The following SORCS3 variants were observed in gnomAD, a reference collection of about 807,000 sequenced individuals.
The protein encoded by SORCS3 is sortilin related VPS10 domain containing receptor 3.
In SORCS3, 57 loss-of-function variants were observed where a neutral mutation model predicts 146.3. The observed-to-expected ratio is 0.39, with a 90% CI of 0.31 to 0.49. The LOEUF (loss-of-function observed/expected upper bound fraction) is 0.49. Ranked by LOEUF, SORCS3 falls within the 20% of genes least tolerant of loss-of-function variation. The pLI is 0.92. For synonymous variants in SORCS3, 653 were observed against 618.5 expected, an observed-to-expected ratio of 1.06 and a Z score of -0.83; for missense variants, 1,341 against 1,575.5, an observed-to-expected ratio of 0.85 and a Z score of 2.52.
chr10:104,681,355 T>G (rs904731842), intron 1 of SORCS3, among the ~76,000 whole-genome samples: 2 of 151,914 alleles, frequency 1.3e-5, no homozygotes, highest in Non-Finnish European at 2.9e-5. Flanking sequence ...GCCTGCAGTG[T>G]GGGGGCTGCT....
intron 1 of SORCS3, among the ~76,000 whole-genome samples, chr10:104,723,657 G>A (rs1231669535): frequency 6.6e-6 from 1 of 152,210 alleles, no homozygotes; most frequent in Non-Finnish European, 1.5e-5. Context: ...ATGAATCTGG[G>A]TGCTCCTGTA....
chr10:104,995,184 G>T (rs1454600570), intron 4 of SORCS3, among the ~76,000 whole-genome samples: 2 of 141,208 alleles, frequency 1.4e-5, no homozygotes, highest in Admixed American at 7.3e-5. Flanking sequence ...TTTTGGGATG[G>T]AGTCTTGCTC....
intron 4 of SORCS3, among the ~76,000 whole-genome samples, chr10:105,030,456 G>T (rs1391485337): frequency 2.6e-5 from 4 of 152,172 alleles, no homozygotes; most frequent in African/African-American, 9.6e-5. Flanking sequence ...TGAGAGATTG[G>T]AAGTGTCCAA....
At chr10:104,980,645 C>T (rs533515108) in intron 4 of SORCS3, among the ~76,000 whole-genome samples, 3 of 152,220 alleles carry the variant, frequency 2.0e-5, no homozygotes, top group African/African-American at 4.8e-5. Flanking sequence ...AGGAGTGAAT[C>T]GATGTTTCCA....
At position 105,042,943 on chromosome 10, in the gene SORCS3, C is replaced by A. The variant is rs1564741103; in HGVS notation, c.955-112C>A. 14 of 805,046 alleles carry A rather than the reference C, an allele frequency of 1.7e-5. No individual in the cohort carries two copies. In the East Asian group the frequency reaches 3.2e-4, roughly 18 times the overall value. The allele number at this position is 805,046 out of a possible 1,614,324, so 49.9% of individuals were successfully genotyped here. ...CCTTTTTATCTGGATAAAATAAATG[C>A]CTACTTGGGTGTGTTGGGCACTCTG... On this transcript the variant is annotated intron_variant, in intron 4 of 26. Coordinates refer to ENST00000369701, the MANE Select transcript of SORCS3 (RefSeq NM_014978.3).
At chr10:104,838,480 AAGGTTAC>A (rs1178192972) in intron 1 of SORCS3, among the ~76,000 whole-genome samples, 1 of 151,984 alleles carries the variant, frequency 6.6e-6, no homozygotes, top group African/African-American at 2.4e-5. Flanking sequence ...CTTAAGCCTG[AAGGTTAC>A]ATTATCATCT....
chr10:105,068,698 A>G (rs80134684), intron 5 of SORCS3, among the ~76,000 whole-genome samples: 8,967 of 152,310 alleles, frequency 0.059, 285 homozygotes, highest in Middle Eastern at 0.088. Context: ...GGCCAGTAAT[A>G]AAGAACTGAT....
intron 1 of SORCS3, among the ~76,000 whole-genome samples, chr10:104,814,445 G>A (rs777726310): frequency 3.9e-5 from 6 of 152,084 alleles, no homozygotes; most frequent in Non-Finnish European, 8.8e-5. Context: ...TGATCAGCAT[G>A]CCTCTGTGCC....
chr10:105,015,005 C>T (rs370784225), intron 4 of SORCS3, among the ~76,000 whole-genome samples: 19 of 152,122 alleles, frequency 1.2e-4, no homozygotes, highest in Middle Eastern at 3.4e-3. Flanking sequence ...AAATGGACTA[C>T]GACAGAAAAT....
chr10:104,854,460 G>C (rs1322182755), intron 2 of SORCS3, among the ~76,000 whole-genome samples: 1 of 152,130 alleles, frequency 6.6e-6, no homozygotes, highest in East Asian at 1.9e-4. Flanking sequence ...GAGAGATATT[G>C]TGTATACTTT....
intron 5 of SORCS3, among the ~76,000 whole-genome samples, chr10:105,072,368 C>T (rs1013869049): frequency 1.3e-5 from 2 of 152,184 alleles, no homozygotes; most frequent in Non-Finnish European, 2.9e-5. Context: ...GCCCCAGCCC[C>T]AGACTAGGCA....
At chr10:105,199,845 T>C (rs538611206) in intron 14 of SORCS3, among the ~76,000 whole-genome samples, 154 bp from the exon 15 acceptor site, 1 of 152,316 alleles carries the variant, frequency 6.6e-6, no homozygotes, top group East Asian at 1.9e-4. Context: ...GATAGTGGAC[T>C]TTCTCCTTAA....
chr10:104,695,593 G>A (rs1184475084), intron 1 of SORCS3, among the ~76,000 whole-genome samples: 22 of 151,896 alleles, frequency 1.4e-4, no homozygotes, highest in Admixed American at 1.4e-3. Context: ...ACCCTCACAA[G>A]TTTAGTCCTT....
chr10:105,072,695 G>T (rs2055565225), intron 5 of SORCS3, among the ~76,000 whole-genome samples: 1 of 130,820 alleles, frequency 7.6e-6, no homozygotes, highest in Non-Finnish European at 1.6e-5. Flanking sequence ...TTGGTGGTGA[G>T]GAGGTAGATT....
intron 2 of SORCS3, among the ~76,000 whole-genome samples, chr10:104,849,521 G>A (rs1312489284): frequency 1.3e-5 from 2 of 152,032 alleles, no homozygotes; most frequent in South Asian, 2.1e-4. Flanking sequence ...GTGTTTAAAG[G>A]GGGTAGGTCT....
At chr10:104,933,350 T>C (rs549387359) in intron 3 of SORCS3, among the ~76,000 whole-genome samples, 1 of 152,094 alleles carries the variant, frequency 6.6e-6, no homozygotes, top group South Asian at 2.1e-4. Context: ...TTACAGAGGT[T>C]CTGGCATCAC....
intron 20 of SORCS3, among the ~76,000 whole-genome samples, chr10:105,238,998 G>A (rs752333123): frequency 2.6e-5 from 4 of 152,066 alleles, no homozygotes; most frequent in African/African-American, 9.7e-5. Flanking sequence ...CTAGTTTACT[G>A]TATTATTTGG....
At chr10:105,159,098 G>A in intron 11 of SORCS3, 104 bp downstream of exon 11, 1 of 750,038 alleles carries the variant, frequency 1.3e-6, no homozygotes, top group Non-Finnish European at 2.2e-6. Flanking sequence ...GATGAAAGCT[G>A]TGAGCACTCG....
chr10:104,955,880 A>G (rs1446239995), intron 3 of SORCS3, among the ~76,000 whole-genome samples: 1 of 152,158 alleles, frequency 6.6e-6, no homozygotes, highest in Non-Finnish European at 1.5e-5. Context: ...GAGGAGAAAA[A>G]GTTCTTCTTG....
Sources: allele counts gnomAD v4.1 joint callset (sites outside exome capture counted in the v4.1 genomes callset), GRCh38; gene constraint gnomAD v4.1.1; transcripts MANE v1.5; gene names NCBI Gene and HGNC (gene_info 2026-07-23, HGNC 2026-07-21).